Variants in PBRM1 observed in about 807,000 individuals in gnomAD.
PBRM1 encodes the protein polybromo 1, also known as protein polybromo-1.
In PBRM1, 27 loss-of-function variants were observed where a neutral mutation model predicts 194.5. That is an observed-to-expected ratio of 0.14 (90% CI 0.10 to 0.19). The LOEUF (loss-of-function observed/expected upper bound fraction) is 0.19. Ranked by LOEUF, PBRM1 falls within the 10% of genes least tolerant of loss-of-function variation. The pLI, the probability that PBRM1 is intolerant of heterozygous loss-of-function variation, is 1.00. For synonymous variants in PBRM1, 655 were observed against 693.2 expected, an observed-to-expected ratio of 0.94 and a Z score of 0.87; for missense variants, 1,466 against 2,077.2, an observed-to-expected ratio of 0.71 and a Z score of 5.72.
At chr3:52,675,745 G>A (rs921052377) in intron 2 of PBRM1, among the ~76,000 whole-genome samples, 4 of 152,126 alleles carry the variant, frequency 2.6e-5, no homozygotes, top group African/African-American at 9.7e-5. Context: ...TTTGACAAAG[G>A]CGCCAAAACC....
rs146395938 is a variant in PBRM1, at chr3:52,609,383, G to T, written c.2497C>A (p.Arg833Ser). Residue 833 changes from arginine to serine, a missense_variant, in exon 16 of 30, where the codon CGC becomes AGC. This residue lies in a region of PBRM1 where 687 missense variants were observed against 946.2 expected (regional missense o/e 0.73). Coordinates refer to ENST00000296302, the Ensembl canonical transcript of PBRM1. The surrounding 1 kb of genome is among the most constrained non-coding windows in gnomAD (Gnocchi z 4.1). The stretch of plus-strand genomic sequence containing the variant: ...TGAAATAAATCAAGCCGACGGTAGC[G>T]ATTATTTTCAACATTCTTCCTAATT... 6.2e-7 allele frequency: 1 copy of T among 1,613,566 alleles called. No homozygotes were observed. Among genetic ancestry groups the T allele is most frequent in the African/African-American group, 1.3e-5 (1 of 74,906 alleles).
At chr3:52,592,122 GTT>G (rs1168998355) in intron 17 of PBRM1, among the ~76,000 whole-genome samples, 53 of 120,264 alleles carry the variant, frequency 4.4e-4, no homozygotes, top group African/African-American at 9.8e-4. Flanking sequence ...ACTGCACCAG[GTT>G]TTTTTTTTTT....
In PBRM1 at chr3:52,576,217, A is replaced by C. The variant is rs1255542710; in HGVS notation, c.3691+324T>G. 2.0e-5 allele frequency among the ~76,000 whole-genome samples: 3 copies of C among 152,324 alleles called. No homozygotes were observed. In the South Asian group the frequency reaches 6.2e-4, roughly 32 times the overall value. On this transcript the variant is annotated intron_variant, in intron 22 of 29. Coordinates refer to ENST00000296302, the Ensembl canonical transcript of PBRM1. Reference sequence around the variant, plus strand: ...CAAATCTGATGAAAGACATGAACAAAAAAAACTATCAATGGAGAATTCTAT... The same window carrying C: ...CAAATCTGATGAAAGACATGAACAACAAAAACTATCAATGGAGAATTCTAT...
At chr3:52,563,577 A>G in intron 23 of PBRM1, 84 bp from the exon 26 acceptor site, 1 of 898,072 alleles carries the variant, frequency 1.1e-6, no homozygotes, top group Non-Finnish European at 1.8e-6. Context: ...CTTAACAACT[A>G]GAAGTGACTT....
intron 22 of PBRM1, among the ~76,000 whole-genome samples, chr3:52,570,682 C>G (rs571070216): frequency 1.6e-4 from 24 of 152,126 alleles, no homozygotes; most frequent in Non-Finnish European, 3.1e-4. Context: ...TTATCAAGAC[C>G]TGCTGGATTT....
At chr3:52,573,640 C>G (rs925324279) in intron 22 of PBRM1, among the ~76,000 whole-genome samples, 2 of 152,114 alleles carry the variant, frequency 1.3e-5, no homozygotes, top group African/African-American at 4.8e-5. Flanking sequence ...GAAATTACTC[C>G]AAGTTATGTC....
intron 2 of PBRM1, among the ~76,000 whole-genome samples, 157 bp downstream of exon 3, chr3:52,678,343 T>C (rs2097148117): frequency 6.6e-6 from 1 of 152,134 alleles, no homozygotes; most frequent in Admixed American, 6.5e-5. Context: ...AAAAAAAGCT[T>C]CACTACAGCT....
At chr3:52,621,392 T>C (rs947333163) in intron 13 of PBRM1, among the ~76,000 whole-genome samples, 2 of 152,174 alleles carry the variant, frequency 1.3e-5, no homozygotes, top group African/African-American at 4.8e-5. Flanking sequence ...CTCGATCTCC[T>C]GACCTCATGA....
At chr3:52,576,279 C>A (rs542315004) in intron 22 of PBRM1, among the ~76,000 whole-genome samples, 1 of 152,026 alleles carries the variant, frequency 6.6e-6, no homozygotes, top group Non-Finnish European at 1.5e-5. Context: ...TAGCTCAGTG[C>A]GGTGGTGCAT....
At chr3:52,647,852 G>A (rs1370069051) in intron 7 of PBRM1, among the ~76,000 whole-genome samples, 1 of 152,042 alleles carries the variant, frequency 6.6e-6, no homozygotes, top group Admixed American at 6.6e-5. Flanking sequence ...AAGGGCGACT[G>A]TTAATTGACT....
chr3:52,564,721 A>T (rs1188657219), intron 22 of PBRM1, among the ~76,000 whole-genome samples: 1 of 152,180 alleles, frequency 6.6e-6, no homozygotes, highest in Non-Finnish European at 1.5e-5. Flanking sequence ...AATGGAATAG[A>T]ACTGAAAGTG....
At chr3:52,615,949 G>C (rs1003622658) in intron 14 of PBRM1, among the ~76,000 whole-genome samples, 1 of 152,168 alleles carries the variant, frequency 6.6e-6, no homozygotes, top group African/African-American at 2.4e-5. Context: ...ATCTCTCTCT[G>C]AGGACTGAGC....
chr3:52,587,020 A>C (rs1028179049), intron 19 of PBRM1, among the ~76,000 whole-genome samples: 4 of 152,174 alleles, frequency 2.6e-5, no homozygotes, highest in African/African-American at 9.7e-5. Context: ...TGTGTATCAG[A>C]CAGACACACA....
chr3:52,583,258 A>C (rs1358038567), intron 20 of PBRM1, among the ~76,000 whole-genome samples: 1 of 151,870 alleles, frequency 6.6e-6, no homozygotes, highest in Non-Finnish European at 1.5e-5. Flanking sequence ...AAAAATACAA[A>C]AATTAGCTAG....
At position 52,573,284 on chromosome 3, in the gene PBRM1, TTC is replaced by T. The variant is rs577888799; in HGVS notation, c.3691+3255_3691+3256del. Among the ~76,000 whole-genome samples the T allele has an allele frequency of 7.9e-5, 12 of 152,186 alleles. No homozygotes were observed. The East Asian group carries it at 2.3e-3, about 29-fold the overall frequency. ...AACTGTAGAATGCAACACATTTTCT[TTC>T]TTTCTTTTTTTTTTTTGTTACATAG... On this transcript the variant is annotated intron_variant, in intron 22 of 29. Coordinates refer to ENST00000296302, the Ensembl canonical transcript of PBRM1.
At chr3:52,639,430 CCTTT>C (rs1006180851) in intron 10 of PBRM1, among the ~76,000 whole-genome samples, 3 of 151,828 alleles carry the variant, frequency 2.0e-5, no homozygotes, top group Non-Finnish European at 2.9e-5. Flanking sequence ...TTAAAGGTTT[CCTTT>C]CTTTTCTTTT....
At chr3:52,565,274 G>C (rs564059154) in intron 22 of PBRM1, among the ~76,000 whole-genome samples, 22 of 151,990 alleles carry the variant, frequency 1.4e-4, no homozygotes, top group Non-Finnish European at 2.8e-4. Context: ...GGGAGGCCGA[G>C]GAGGGTGGAT....
chr3:52,627,048 G>A (rs1279120699), intron 13 of PBRM1, among the ~76,000 whole-genome samples: 2 of 149,944 alleles, frequency 1.3e-5, no homozygotes, highest in Non-Finnish European at 3.0e-5. Flanking sequence ...GTTTTGCCAA[G>A]CTACATATGT....
At chr3:52,684,518 C>T (rs999442771), upstream of PBRM1, among the ~76,000 whole-genome samples, 2 of 152,068 alleles carry the variant, frequency 1.3e-5, no homozygotes, top group African/African-American at 4.8e-5. Context: ...ACCTATAAAC[C>T]TACTTCCAAG....
Sources: gnomAD v4.1 joint callset for allele counts (sites outside exome capture counted in the v4.1 genomes callset) on GRCh38, gnomAD v4.1.1 for gene constraint, gnomAD v4.1.1 regional missense constraint, Gnocchi (gnomAD v3.1) non-coding constraint, MANE v1.5 for transcripts, NCBI Gene and HGNC (gene_info 2026-07-23, HGNC 2026-07-21) for gene names.